Variants in GALNT9 observed in about 807,000 individuals in gnomAD.
GALNT9 encodes the protein GalNAc transferase 9.
GALNT9 carries 47 observed loss-of-function variants against 63.1 expected under a neutral mutation model. The ratio of observed to expected loss-of-function variants is 0.75; its 90% CI spans 0.59 to 0.95. The LOEUF (loss-of-function observed/expected upper bound fraction) is 0.95, where lower values mean the gene tolerates loss of function less well. Ranked by LOEUF, GALNT9 falls within the 40% of genes least tolerant of loss-of-function variation. The probability of loss-of-function intolerance (pLI) is 0.00; values close to 1 mark genes in which losing one functional copy is unlikely to be tolerated. For synonymous variants in GALNT9, 396 were observed against 365.7 expected, an observed-to-expected ratio of 1.08 and a Z score of -0.94; for missense variants, 829 against 874.8, an observed-to-expected ratio of 0.95 and a Z score of 0.66.
chr12:132,267,885 TCACA>T (rs374414835), intron 2 of GALNT9, among the ~76,000 whole-genome samples: 1 of 124,502 alleles, frequency 8.0e-6, no homozygotes, highest in African/African-American at 3.1e-5. Flanking sequence ...CCACATGCAC[TCACA>T]CGCACACACG....
intron 6 of GALNT9, among the ~76,000 whole-genome samples, chr12:132,235,557 A>T (rs1164036921): frequency 6.6e-6 from 1 of 152,074 alleles, no homozygotes; most frequent in Non-Finnish European, 1.5e-5. Flanking sequence ...GTGCCCCTCC[A>T]GGGTGGTCAG....
At chr12:132,290,306 C>G (rs972729138) in intron 1 of GALNT9, among the ~76,000 whole-genome samples, 1 of 152,154 alleles carries the variant, frequency 6.6e-6, no homozygotes, top group African/African-American at 2.4e-5. Context: ...ACAGGCCTCG[C>G]CATGCAGAGC....
At chr12:132,321,787 TCACACACCTGTCCCCTCACACAGGAGCC>T (rs1167793030) in intron 1 of GALNT9, among the ~76,000 whole-genome samples, 17 of 151,598 alleles carry the variant, frequency 1.1e-4, no homozygotes, top group African/African-American at 1.7e-4. Context: ...ACCTGTCCCC[TCACACACCTGTCCCCTCACACAGGAGCC>T]CACACACCTG....
At chr12:132,288,478 T>C (rs1390843017) in intron 1 of GALNT9, among the ~76,000 whole-genome samples, 1 of 152,262 alleles carries the variant, frequency 6.6e-6, no homozygotes, top group Non-Finnish European at 1.5e-5. Flanking sequence ...AAGTCTGGAA[T>C]TGGATGTCTC....
chr12:132,240,186 A>C (rs1878190837), intron 6 of GALNT9, among the ~76,000 whole-genome samples: 1 of 152,116 alleles, frequency 6.6e-6, no homozygotes, highest in Non-Finnish European at 1.5e-5. Flanking sequence ...CTTGAGAGGA[A>C]TCTCCTCTCT....
chr12:132,294,265 G>T (rs1880968050), intron 1 of GALNT9, among the ~76,000 whole-genome samples: 1 of 152,210 alleles, frequency 6.6e-6, no homozygotes, highest in African/African-American at 2.4e-5. Context: ...TCAGCAGAGA[G>T]ATGGGAGTCG....
intron 1 of GALNT9, among the ~76,000 whole-genome samples, chr12:132,304,665 G>A (rs868978410): frequency 5.8e-5 from 2 of 34,438 alleles, no homozygotes; most frequent in Non-Finnish European, 1.1e-4. Flanking sequence ...CCTCACCCGG[G>A]CACAGCCTCG....
intron 6 of GALNT9, among the ~76,000 whole-genome samples, chr12:132,221,056 A>C (rs1269191613): frequency 2.3e-5 from 3 of 131,242 alleles, no homozygotes; most frequent in Admixed American, 2.2e-4. Flanking sequence ...TGTGTCAAAA[A>C]AAAAAAAAAA....
chr12:132,305,001 G>A (rs868988726), intron 1 of GALNT9, among the ~76,000 whole-genome samples: 1 of 24,818 alleles, frequency 4.0e-5, no homozygotes, highest in Non-Finnish European at 7.0e-5. Context: ...CCTCACCCGG[G>A]CACATCCTCA....
intron 1 of GALNT9, among the ~76,000 whole-genome samples, chr12:132,305,046 C>G (rs1316432794): frequency 1.6e-5 from 1 of 63,810 alleles, no homozygotes; most frequent in Non-Finnish European, 2.7e-5. Flanking sequence ...CACCCTCACC[C>G]GGGCACAGAA....
chr12:132,207,532 G>A (rs1249765581), intron 6 of GALNT9, among the ~76,000 whole-genome samples: 2 of 152,176 alleles, frequency 1.3e-5, no homozygotes, highest in Admixed American at 6.5e-5. Context: ...GCTTGCGGGT[G>A]GTGCCGAGGC....
chr12:132,287,072 CCCG>C (rs1880626601), intron 1 of GALNT9, among the ~76,000 whole-genome samples: 9 of 107,500 alleles, frequency 8.4e-5, no homozygotes, highest in Admixed American at 1.7e-4. Flanking sequence ...CCCCCCCCCC[CCCG>C]TGAGCCACAG....
At chr12:132,320,982 C>T (rs1384703144) in intron 1 of GALNT9, among the ~76,000 whole-genome samples, 4 of 152,270 alleles carry the variant, frequency 2.6e-5, no homozygotes, top group Middle Eastern at 3.4e-3. Context: ...CCCAGGCGGT[C>T]GACGCCACAG....
chr12:132,285,030 T>C (rs1555242030), intron 2 of GALNT9, among the ~76,000 whole-genome samples: 1 of 152,208 alleles, frequency 6.6e-6, no homozygotes, highest in East Asian at 1.9e-4. Flanking sequence ...TCCTCCCCTC[T>C]CTTCCCTGCC....
chr12:132,326,543 C>A (rs1027007237), intron 1 of GALNT9, among the ~76,000 whole-genome samples: 2 of 152,196 alleles, frequency 1.3e-5, no homozygotes, highest in East Asian at 1.9e-4. Flanking sequence ...CTGGGCCCCT[C>A]CCCACCCCAG....
At chr12:132,240,888 A>ACACGC (rs1565996108) in intron 6 of GALNT9, among the ~76,000 whole-genome samples, 6 of 147,604 alleles carry the variant, frequency 4.1e-5, no homozygotes, top group East Asian at 2.0e-4. Flanking sequence ...CCCATTACAC[A>ACACGC]CACACCACAC....
intron 5 of GALNT9, among the ~76,000 whole-genome samples, chr12:132,253,697 G>A (rs1555238791): frequency 6.6e-6 from 1 of 151,896 alleles, no homozygotes; most frequent in Non-Finnish European, 1.5e-5. Context: ...CTCTTGCCTC[G>A]GCACCTAGGT....
chr12:132,271,900 T>C (rs1879880510), intron 2 of GALNT9, among the ~76,000 whole-genome samples: 1 of 152,108 alleles, frequency 6.6e-6, no homozygotes, highest in South Asian at 2.1e-4. Context: ...AGCAGCCATG[T>C]GGGGCCACAC....
intron 2 of GALNT9, 99 bp from the exon 3 acceptor site, chr12:132,262,724 G>T: frequency 6.9e-7 from 1 of 1,451,320 alleles, no homozygotes; most frequent in Non-Finnish European, 9.1e-7. Context: ...ACGGTTTGGG[G>T]TGCGGTCAGG....
Sources: allele counts gnomAD v4.1 joint callset (sites outside exome capture counted in the v4.1 genomes callset), GRCh38; gene constraint gnomAD v4.1.1; transcripts MANE v1.5; gene names NCBI Gene and HGNC (gene_info 2026-07-23, HGNC 2026-07-21).